The following USH2A variants were observed in gnomAD, a reference collection of about 807,000 sequenced individuals.
USH2A encodes Usher syndrome 2A (autosomal recessive, mild).
Under a neutral mutation model 538.9 loss-of-function variants are expected in USH2A, and 443 were observed. The observed-to-expected ratio is 0.82, with a 90% CI of 0.76 to 0.89. The LOEUF is 0.89. USH2A is among the 40% of genes least tolerant of loss of function. USH2A has a pLI of 0.00. For missense variants in USH2A, 6,633 were observed against 6,324.8 expected, an observed-to-expected ratio of 1.05 and a Z score of -1.65; for synonymous variants, 2,413 against 2,273.5, an observed-to-expected ratio of 1.06 and a Z score of -1.75.
intron 40 of USH2A, among the ~76,000 whole-genome samples, chr1:215,897,374 G>A (rs1199405695): frequency 2.0e-5 from 3 of 152,130 alleles, no homozygotes; most frequent in Non-Finnish European, 4.4e-5. Flanking sequence ...AAGACGATAT[G>A]TGAAATTTCT....
Position 215,669,018 on chromosome 1 carries a change from G to T in USH2A, c.14133+1954C>A, listed in dbSNP as rs148086649. Among the ~76,000 whole-genome samples the T allele has an allele frequency of 5.7e-3, 868 of 152,260 alleles. 11 individuals carry two copies. Among genetic ancestry groups the T allele is most frequent in the African/African-American group, 0.02 (840 of 41,528 alleles). On this transcript the variant is annotated intron_variant, in intron 64 of 71. Coordinates refer to ENST00000307340, the MANE Select transcript of USH2A (RefSeq NM_206933.4). ...AGATCTCACCACTGCACTCCAGCCT[G>T]GGTGACAGAGCGAGACTCTGTCTCG... is the stretch of plus-strand genomic sequence containing the variant.
At chr1:215,699,540 T>C (rs746365916) in intron 61 of USH2A, among the ~76,000 whole-genome samples, 10 of 152,208 alleles carry the variant, frequency 6.6e-5, no homozygotes, top group Non-Finnish European at 1.5e-4. Flanking sequence ...TTCACAACCC[T>C]TGTAAGTTGT....
chr1:216,097,202 T>G lies in USH2A; in HGVS notation c.4639A>C (p.Ser1547Arg). Residue 1547 changes from serine to arginine, a missense_variant, in exon 22 of 72, where the codon AGC (serine) becomes CGC (arginine). Transcript: ENST00000307340. ...VNTDFTGIKASFRTKVPEGLI... is the reference protein window; with the variant it reads ...VNTDFTGIKARFRTKVPEGLI... ...CCTTCAGGCACTTTTGTTCGAAAGC[T>G]GGCCTTAATGCCTGGTAAGACAAGT... 6.2e-7 allele frequency: 1 copy of G among 1,614,178 alleles called. No homozygotes were observed. The highest frequency in any genetic ancestry group is 8.5e-7 in the Non-Finnish European group (1 of 1,180,002).
chr1:215,696,047 C>T (rs967819927), intron 61 of USH2A, among the ~76,000 whole-genome samples: 4 of 152,090 alleles, frequency 2.6e-5, no homozygotes, highest in Non-Finnish European at 4.4e-5. Flanking sequence ...CTGTGCCTGG[C>T]CTACACATAG....
intron 43 of USH2A, among the ~76,000 whole-genome samples, chr1:215,873,159 A>G (rs78472955): frequency 0.018 from 2,783 of 151,790 alleles, 110 homozygotes; most frequent in African/African-American, 0.065. Flanking sequence ...AAACACTGTG[A>G]CCAATTTAAT....
rs972289942 is a variant in USH2A at position 215,624,266 on chromosome 1, C to T, written c.*1515G>A. The T allele has an allele frequency of 6.6e-6, 1 of 152,114 alleles. No homozygotes were observed. Among genetic ancestry groups the T allele is most frequent in the African/African-American group, 2.4e-5 (1 of 41,430 alleles). The allele number at this position is 152,114 out of a possible 1,614,324, so 9.4% of individuals were successfully genotyped here. On this transcript the variant is annotated 3_prime_UTR_variant, in exon 72 of 72. Coordinates refer to ENST00000307340, the MANE Select transcript of USH2A (RefSeq NM_206933.4). Reference sequence around the variant, plus strand: ...GACACTTATGGTTGGCAAACTTTGTCTAGGAGTTGGTCAGTCTGAGGAGCT... The same window carrying T: ...GACACTTATGGTTGGCAAACTTTGTTTAGGAGTTGGTCAGTCTGAGGAGCT...
intron 22 of USH2A, among the ~76,000 whole-genome samples, chr1:216,091,703 G>T (rs1344087596): frequency 6.6e-6 from 1 of 152,006 alleles, no homozygotes; most frequent in East Asian, 1.9e-4. Context: ...ATTTTATTAA[G>T]ATATTTTAAA....
intron 9 of USH2A, among the ~76,000 whole-genome samples, chr1:216,314,331 A>C (rs1431996445): frequency 6.6e-6 from 1 of 152,166 alleles, no homozygotes; most frequent in Non-Finnish European, 1.5e-5. Flanking sequence ...TCAGTGAGGA[A>C]AGAAAATTCT....
intron 38 of USH2A, among the ~76,000 whole-genome samples, chr1:215,934,324 A>G (rs568830755): frequency 1.6e-4 from 24 of 152,098 alleles, no homozygotes; most frequent in African/African-American, 5.8e-4. Flanking sequence ...TTTTCTTAAC[A>G]TGCAGAAATC....
chr1:215,671,383 G>C (rs1472141205), intron 63 of USH2A, 90 bp from the exon 64 acceptor site: 1 of 1,243,846 alleles, frequency 8.0e-7, no homozygotes, highest in Non-Finnish European at 1.1e-6. Flanking sequence ...AAAAAAAAAA[G>C]ACAAGCTTAC....
chr1:215,852,615 C>T (rs548941352), intron 44 of USH2A, among the ~76,000 whole-genome samples: 42 of 152,284 alleles, frequency 2.8e-4, no homozygotes, highest in African/African-American at 9.9e-4. Flanking sequence ...TCCCTGCTGC[C>T]TATGAGCTTG....
At chr1:216,164,742 A>G (rs563038276) in intron 21 of USH2A, among the ~76,000 whole-genome samples, 1 of 152,256 alleles carries the variant, frequency 6.6e-6, no homozygotes, top group Non-Finnish European at 1.5e-5. Context: ...GTCATAAAGA[A>G]GTATCAACAA....
intron 64 of USH2A, among the ~76,000 whole-genome samples, chr1:215,659,221 T>A (rs932448579): frequency 1.3e-5 from 2 of 152,168 alleles, no homozygotes; most frequent in African/African-American, 4.8e-5. Context: ...TCTCAACAGA[T>A]GACCATCAAG....
chr1:215,894,185 T>C (rs1665270155), intron 40 of USH2A, among the ~76,000 whole-genome samples: 1 of 152,196 alleles, frequency 6.6e-6, no homozygotes, highest in African/African-American at 2.4e-5. Context: ...TGTGTAGCAC[T>C]ACTGAAACTT....
At chr1:216,166,012 T>C (rs2034161383) in intron 21 of USH2A, among the ~76,000 whole-genome samples, 1 of 152,068 alleles carries the variant, frequency 6.6e-6, no homozygotes, top group African/African-American at 2.4e-5. Flanking sequence ...TCGTTATGCC[T>C]TTGCGTCCTC....
intron 20 of USH2A, among the ~76,000 whole-genome samples, chr1:216,180,899 G>A (rs947872222): frequency 3.3e-5 from 5 of 152,044 alleles, no homozygotes; most frequent in East Asian, 1.9e-4. Context: ...GGACCAGGAC[G>A]CAAACAAGAA....
At chr1:216,291,710 T>C (rs929205830) in intron 10 of USH2A, among the ~76,000 whole-genome samples, 1 of 152,176 alleles carries the variant, frequency 6.6e-6, no homozygotes, top group Non-Finnish European at 1.5e-5. Context: ...ATCGTCTCCA[T>C]TTAATTAGTA....
At chr1:215,823,317 T>C (rs560977493) in intron 47 of USH2A, among the ~76,000 whole-genome samples, 1 of 152,160 alleles carries the variant, frequency 6.6e-6, no homozygotes, top group East Asian at 1.9e-4. Flanking sequence ...GCAGTACTTT[T>C]ATATGGCATT....
chr1:215,909,612 T>C (rs1214290322), intron 38 of USH2A, among the ~76,000 whole-genome samples: 1 of 151,794 alleles, frequency 6.6e-6, no homozygotes, highest in Admixed American at 6.6e-5. Context: ...TAACATTTAA[T>C]GAGAAAAAAA....
Sources: gnomAD v4.1 joint callset for allele counts (sites outside exome capture counted in the v4.1 genomes callset) on GRCh38, gnomAD v4.1.1 for gene constraint, MANE v1.5 for transcripts, NCBI Gene and HGNC (gene_info 2026-07-23, HGNC 2026-07-21) for gene names.